Variants in ZNF592 observed in about 807,000 individuals in gnomAD.
ZNF592 encodes the protein zinc finger protein 592, also known as spinocerebellar ataxia, autosomal recessive 5.
A neutral mutation model predicts 80.3 loss-of-function variants in ZNF592; 11 were observed. That is an observed-to-expected ratio of 0.14 (90% CI 0.09 to 0.23). The LOEUF is 0.23. Ranked by LOEUF, ZNF592 falls within the 10% of genes least tolerant of loss-of-function variation. ZNF592 has a pLI of 1.00. For synonymous variants in ZNF592, 646 were observed against 640.3 expected (o/e 1.01, Z -0.13); for missense variants, 1,420 against 1,633.9 (o/e 0.87, Z 2.26).
chr15:84,775,141 G>C (rs778487356), intron 2 of ZNF592, among the ~76,000 whole-genome samples: 14 of 151,680 alleles, frequency 9.2e-5, no homozygotes, highest in Admixed American at 3.9e-4. Context: ...TGTCACCTGG[G>C]CTGGAGTACA....
chr15:84,754,982 T>TTTTTG, intron 1 of ZNF592, among the ~76,000 whole-genome samples: 1 of 149,406 alleles, frequency 6.7e-6, no homozygotes, highest in Non-Finnish European at 1.5e-5. Context: ...TTTTTTTTTT[T>TTTTTG]CATGGCAGAG....
rs1467304216 is a variant in ZNF592 at position 84,764,744 on chromosome 15, G to A, written c.-221G>A. 2 of 398,882 alleles carry A rather than the reference G, an allele frequency of 5.0e-6. No individual in the cohort carries two copies. Among genetic ancestry groups the A allele is most frequent in the Non-Finnish European group, 8.8e-6 (2 of 226,078 alleles). The allele number at this position is 398,882 out of a possible 1,614,324, so 24.7% of individuals were successfully genotyped here. ...CTCTAGACCATGTGCCTAGGTAGAA[G>A]TTTTTCCTTTCTCCGCAGCTCTGCT... On this transcript the variant is annotated 5_prime_UTR_variant, in exon 2 of 11. Transcript: ENST00000560079.
intron 2 of ZNF592, among the ~76,000 whole-genome samples, chr15:84,768,053 TA>T (rs1899580745): frequency 7.6e-6 from 1 of 132,076 alleles, no homozygotes; most frequent in Admixed American, 7.6e-5. Context: ...ATTTTAATTT[TA>T]ATTTTAATTT....
intron 10 of ZNF592, 28 bp from the exon 11 acceptor site, chr15:84,801,835 A>T: frequency 1.9e-6 from 3 of 1,613,772 alleles, no homozygotes; most frequent in Non-Finnish European, 2.5e-6. Context: ...CTTGGCCTGG[A>T]CTTTGCTCAT....
Position 84,799,256 on chromosome 15 carries a change from C to A in ZNF592, c.3137+46C>A, listed in dbSNP as rs151195661. On this transcript the variant is annotated intron_variant, in intron 9 of 10. Coordinates refer to ENST00000560079, the MANE Select transcript of ZNF592 (RefSeq NM_014630.3). The surrounding 1 kb of genome is among the most constrained non-coding windows in gnomAD (Gnocchi z 4.2). ...GTGAGGAGGCCTGAGGTTCAAAAGACTCTGTCCGTGGCACCACTGGGGCTT... is the reference window on the plus strand; with the variant it reads ...GTGAGGAGGCCTGAGGTTCAAAAGAATCTGTCCGTGGCACCACTGGGGCTT... 191 of 1,572,576 alleles carry A rather than the reference C, an allele frequency of 1.2e-4. No individual in the cohort carries two copies. The African/African-American group carries it at 2.2e-3, about 18-fold the overall frequency.
chr15:84,755,423 T>C (rs886235531), intron 1 of ZNF592, among the ~76,000 whole-genome samples: 3 of 152,254 alleles, frequency 2.0e-5, no homozygotes, highest in African/African-American at 7.2e-5. Flanking sequence ...TGCACCACTG[T>C]GCCCAGCTTG....
Position 84,799,335 on chromosome 15 carries a change from G to C in ZNF592, c.3137+125G>C. ...ACAAGAGACAAGTGATTTCCAACTGGAAGAAATTGCGGCTAAGTCAGAAAT... is the reference window on the plus strand; with the variant it reads ...ACAAGAGACAAGTGATTTCCAACTGCAAGAAATTGCGGCTAAGTCAGAAAT... On this transcript the variant is annotated intron_variant, in intron 9 of 10. Coordinates refer to ENST00000560079, the MANE Select transcript of ZNF592 (RefSeq NM_014630.3). The surrounding 1 kb of genome is among the most constrained non-coding windows in gnomAD (Gnocchi z 4.2). 1 of 1,060,324 alleles carries C rather than the reference G, an allele frequency of 9.4e-7. No individual in the cohort carries two copies. The highest frequency in any genetic ancestry group is 1.9e-5 in the Admixed American group (1 of 52,722). 65.7% of individuals were successfully genotyped at this position (1,060,324 alleles called of 1,614,324 possible).
At position 84,783,933 on chromosome 15, in the gene ZNF592, G is replaced by A. The variant is rs958494207; in HGVS notation, c.1258G>A (p.Glu420Lys). The part of the protein sequence containing the change: ...LGSAIAEAPS[E>K]MPGDEVPVEE... ...GAGCGCCATTGCAGAGGCCCCCAGCGAGATGCCAGGGGATGAGGTGCCTGT... is the reference window on the plus strand; with the variant it reads ...GAGCGCCATTGCAGAGGCCCCCAGCAAGATGCCAGGGGATGAGGTGCCTGT... The change falls in exon 4 of 11, where the codon GAG becomes AAG. Residue 420 changes from glutamate to lysine, a missense_variant. By Grantham distance (56) the Glu-to-Lys change is moderately conservative (BLOSUM62 1). Transcript: ENST00000560079. This position sits in a 1 kb window ranked among gnomAD's most constrained non-coding sequence, Gnocchi z 5.0. The A allele has an allele frequency of 4.3e-5, 70 of 1,613,952 alleles. No individual in the cohort carries two copies. Among genetic ancestry groups the A allele is most frequent in the Non-Finnish European group, 5.4e-5 (64 of 1,179,916 alleles).
Position 84,806,403 on chromosome 15 carries a change from A to G in ZNF592, c.*4010A>G, listed in dbSNP as rs1017776370. The G allele has an allele frequency of 6.6e-5, 10 of 152,242 alleles. No individual in the cohort carries two copies. The highest frequency in any genetic ancestry group is 1.2e-4 in the Non-Finnish European group (8 of 68,040). The allele number at this position is 152,242 out of a possible 1,614,324, so 9.4% of individuals were successfully genotyped here. Reference sequence around the variant, plus strand: ...TTATTGGAAAATGATGTAACATTTTAGAGAAATTAAAAAGCACACATATTT... The same window carrying G: ...TTATTGGAAAATGATGTAACATTTTGGAGAAATTAAAAAGCACACATATTT... On this transcript the variant is annotated 3_prime_UTR_variant, in exon 11 of 11. Coordinates refer to ENST00000560079, the MANE Select transcript of ZNF592 (RefSeq NM_014630.3).
chr15:84,760,432 G>T (rs1596107580), intron 1 of ZNF592, among the ~76,000 whole-genome samples: 1 of 152,184 alleles, frequency 6.6e-6, no homozygotes, highest in East Asian at 1.9e-4. Context: ...GGTTGAGAAA[G>T]AGAATAAGTA....
intron 1 of ZNF592, among the ~76,000 whole-genome samples, chr15:84,756,930 G>A (rs2141960043): frequency 6.6e-6 from 1 of 152,050 alleles, no homozygotes; most frequent in South Asian, 2.1e-4. Context: ...TGGTCAACAT[G>A]GTGAAACCCC....
chr15:84,783,517 T>TGGCTTG lies in ZNF592; in HGVS notation c.843_844insGCTTGG (p.Leu281_Ser282insAlaTrp). The TGGCTTG allele has an allele frequency of 1.9e-6, 3 of 1,614,220 alleles. No individual in the cohort carries two copies. The highest frequency in any genetic ancestry group is 2.5e-6 in the Non-Finnish European group (3 of 1,180,036). On this transcript the variant is annotated inframe_insertion, in exon 4 of 11. Transcript: ENST00000560079. This position sits in a 1 kb window ranked among gnomAD's most constrained non-coding sequence, Gnocchi z 5.0. ...CGTCTAAAGCCAGCTCATTCCAAGCTGTCCTCTTGTGTGGCAGCCTTGGTG... is the reference window on the plus strand; with the variant it reads ...CGTCTAAAGCCAGCTCATTCCAAGCTGGCTTGGTCCTCTTGTGTGGCAGCCTTGGTG...
chr15:84,750,234 C>T (rs1460907681), intron 1 of ZNF592, among the ~76,000 whole-genome samples: 1 of 152,186 alleles, frequency 6.6e-6, no homozygotes, highest in African/African-American at 2.4e-5. Flanking sequence ...ACCCGGGAGG[C>T]GGAGGTTGCA....
At chr15:84,797,019 G>A (rs1036551137) in intron 5 of ZNF592, among the ~76,000 whole-genome samples, 6 of 152,072 alleles carry the variant, frequency 3.9e-5, no homozygotes, top group Non-Finnish European at 7.4e-5. Context: ...GCTGGAATGC[G>A]GTGGCACAAA....
rs571381136 is a variant in ZNF592, at chr15:84,783,628, G to C, written c.953G>C (p.Ser318Thr). 6.2e-7 allele frequency: 1 copy of C among 1,614,120 alleles called. No individual in the cohort carries two copies. The highest frequency in any genetic ancestry group is 1.3e-5 in the African/African-American group (1 of 74,936). ...GATCTCTCAGGGCCCACTAAAGAGA[G>C]TTCTAAAGGTAGCCCCAAAATGCCC... ...TKDLSGPTKE[S>T]SKGSPKMPKS... The change falls in exon 4 of 11, where the codon AGT (serine) becomes ACT (threonine). Residue 318 changes from serine to threonine, a missense_variant. Ser to Thr is a moderately conservative substitution (Grantham distance 58, BLOSUM62 1). Coordinates refer to ENST00000560079, the MANE Select transcript of ZNF592 (RefSeq NM_014630.3). The surrounding 1 kb of genome is among the most constrained non-coding windows in gnomAD (Gnocchi z 5.0).
chr15:84,802,148 G>A lies in ZNF592; in HGVS notation c.3559G>A (p.Glu1187Lys), dbSNP rs772998652. ...KVRDQEEEEE[E>K]EAAAAEMAVE... ...GAGAGACCAGGAGGAGGAGGAGGAA[G>A]AGGAGGCGGCGGCAGCGGAGATGGC... Residue 1187 changes from glutamate to lysine, a missense_variant, in exon 11 of 11, where the codon GAG becomes AAG. Glu to Lys is a moderately conservative substitution (Grantham distance 56). Transcript: ENST00000560079. The A allele has an allele frequency of 5.6e-6, 9 of 1,604,944 alleles. No homozygotes were observed. Among genetic ancestry groups the A allele is most frequent in the Non-Finnish European group, 7.7e-6 (9 of 1,173,342 alleles).
At position 84,753,346 on chromosome 15, in the gene ZNF592, T is replaced by C. The variant is rs764514170; in HGVS notation, c.-259+4682T>C. Reference sequence around the variant, plus strand: ...AACTCTTGGAGGAGGTAGGGGGCTTTTGGCTGCATGTGAAGGAAACACTGA... The same window carrying C: ...AACTCTTGGAGGAGGTAGGGGGCTTCTGGCTGCATGTGAAGGAAACACTGA... On this transcript the variant is annotated intron_variant, in intron 1 of 10. Transcript: ENST00000560079. The C allele has an allele frequency of 2.6e-5, 4 of 152,192 alleles. No homozygotes were observed. The South Asian group carries it at 8.3e-4, about 32-fold the overall frequency. 9.4% of individuals were successfully genotyped at this position (152,192 alleles called of 1,614,324 possible).
At chr15:84,778,818 C>T (rs927515188) in intron 3 of ZNF592, among the ~76,000 whole-genome samples, 1 of 152,104 alleles carries the variant, frequency 6.6e-6, no homozygotes, top group Non-Finnish European at 1.5e-5. Context: ...TAAGGGTCCT[C>T]GGAAGAATGG....
Position 84,799,785 on chromosome 15 carries a change from C to T in ZNF592, c.3138-57C>T, listed in dbSNP as rs1963037956. On this transcript the variant is annotated intron_variant, in intron 9 of 10. Transcript: ENST00000560079. The surrounding 1 kb of genome is among the most constrained non-coding windows in gnomAD (Gnocchi z 4.2). ...TCCTTCCTGGCCTTGGTGTGAATAG[C>T]ACTGAGGGAGCCTGCGGCCCGGGCA... 3.1e-6 allele frequency: 5 copies of T among 1,609,654 alleles called. No individual in the cohort carries two copies. Among genetic ancestry groups the T allele is most frequent in the Non-Finnish European group, 4.2e-6 (5 of 1,179,720 alleles).
Sources: allele counts gnomAD v4.1 joint callset (sites outside exome capture counted in the v4.1 genomes callset), GRCh38; gene constraint gnomAD v4.1.1; non-coding constraint Gnocchi (gnomAD v3.1); transcripts MANE v1.5; gene names NCBI Gene and HGNC (gene_info 2026-07-23, HGNC 2026-07-21).